EPHA6: variants seen among roughly 807,000 people sequenced by gnomAD.
EPHA6 encodes EPH receptor A6.
In EPHA6, 50 loss-of-function variants were observed where a neutral mutation model predicts 112.0. The ratio of observed to expected loss-of-function variants is 0.45; its 90% confidence interval spans 0.36 to 0.56. The LOEUF (loss-of-function observed/expected upper bound fraction) is 0.56, where lower values mean the gene tolerates loss of function less well. EPHA6 is among the 20% of genes least tolerant of loss of function. The pLI is 0.00. For missense variants in EPHA6, 1,280 were observed against 1,417.4 expected (o/e 0.90, Z 1.56); for synonymous variants, 529 against 490.7 (o/e 1.08, Z -1.03).
chr3:96,903,835 A>T (rs1185314508), intron 2 of EPHA6, among the ~76,000 whole-genome samples: 1 of 152,202 alleles, frequency 6.6e-6, no homozygotes, highest in Non-Finnish European at 1.5e-5. Flanking sequence ...ACATTTATGC[A>T]GCCAAAAGAC....
At chr3:97,147,123 T>C (rs1177976816) in intron 3 of EPHA6, among the ~76,000 whole-genome samples, 7 of 151,962 alleles carry the variant, frequency 4.6e-5, no homozygotes, top group African/African-American at 1.2e-4. Flanking sequence ...TGCCCACCTC[T>C]CCCCCAGTGA....
At chr3:97,222,922 C>T (rs1052897505) in intron 3 of EPHA6, among the ~76,000 whole-genome samples, 5 of 152,136 alleles carry the variant, frequency 3.3e-5, no homozygotes, top group Non-Finnish European at 7.3e-5. Context: ...CCTAAGAAGT[C>T]AGAATGGCCC....
intron 3 of EPHA6, among the ~76,000 whole-genome samples, chr3:97,007,128 C>A (rs926822804): frequency 6.6e-6 from 1 of 152,088 alleles, no homozygotes; most frequent in Non-Finnish European, 1.5e-5. Flanking sequence ...TCCACTTGAT[C>A]CAGAGCTGAG....
intron 11 of EPHA6, among the ~76,000 whole-genome samples, chr3:97,581,887 T>A (rs1198606016): frequency 6.6e-6 from 1 of 152,192 alleles, no homozygotes; most frequent in Non-Finnish European, 1.5e-5. Context: ...TTAGAATGAG[T>A]CAGGCCAATA....
At chr3:97,081,080 A>T (rs2046705192) in intron 3 of EPHA6, among the ~76,000 whole-genome samples, 1 of 149,348 alleles carries the variant, frequency 6.7e-6, no homozygotes, top group Non-Finnish European at 1.5e-5. Context: ...ATAATGCCAT[A>T]TTCATATATG....
At chr3:97,508,346 G>C (rs536607627) in intron 10 of EPHA6, among the ~76,000 whole-genome samples, 23 of 152,278 alleles carry the variant, frequency 1.5e-4, no homozygotes, top group African/African-American at 5.3e-4. Flanking sequence ...GTGTACTAGA[G>C]ATTCTGGTAC....
chr3:97,335,474 A>T (rs2083013592), intron 5 of EPHA6, among the ~76,000 whole-genome samples: 1 of 152,128 alleles, frequency 6.6e-6, no homozygotes, highest in Non-Finnish European at 1.5e-5. Context: ...GAATATTAAC[A>T]TATTCTCTAA....
chr3:96,847,825 T>C (rs932257902), intron 1 of EPHA6, among the ~76,000 whole-genome samples: 3 of 152,106 alleles, frequency 2.0e-5, no homozygotes, highest in Admixed American at 2.0e-4. Context: ...GGGCAAGTAA[T>C]CTAGGGGTAG....
intron 13 of EPHA6, among the ~76,000 whole-genome samples, chr3:97,633,459 C>A (rs2093920689): frequency 6.6e-6 from 1 of 151,946 alleles, no homozygotes; most frequent in Admixed American, 6.6e-5. Flanking sequence ...TAAGAAGCCC[C>A]AAAATATTAA....
At chr3:97,503,462 A>G (rs1407510719) in intron 10 of EPHA6, among the ~76,000 whole-genome samples, 2 of 152,222 alleles carry the variant, frequency 1.3e-5, no homozygotes, top group African/African-American at 4.8e-5. Flanking sequence ...TTTTCTGCTC[A>G]GTTAGGAACT....
intron 3 of EPHA6, among the ~76,000 whole-genome samples, chr3:97,023,380 T>C (rs1385418293): frequency 6.6e-6 from 1 of 152,112 alleles, no homozygotes. Flanking sequence ...CTCTCGGCCC[T>C]TTGTTTTGTC....
intron 5 of EPHA6, among the ~76,000 whole-genome samples, chr3:97,341,022 TCTC>T (rs2083277624): frequency 6.6e-6 from 1 of 152,152 alleles, no homozygotes; most frequent in Non-Finnish European, 1.5e-5. Context: ...CAATCCATCT[TCTC>T]CTCCATTAAG....
At chr3:97,736,470 AGTGTGTGTGTGTGTGTGT>A (rs376497031) in intron 16 of EPHA6, among the ~76,000 whole-genome samples, 2 of 118,812 alleles carry the variant, frequency 1.7e-5, no homozygotes, top group Non-Finnish European at 3.4e-5. Context: ...AGAGAGAGAG[AGTGTGTGTGTGTGTGTGT>A]GTGTGTGTGT....
At chr3:97,687,236 G>A (rs558894287) in intron 14 of EPHA6, among the ~76,000 whole-genome samples, 12 of 151,864 alleles carry the variant, frequency 7.9e-5, no homozygotes, top group South Asian at 2.1e-4. Flanking sequence ...TTAGTCTGCC[G>A]TAGATCCTTC....
chr3:97,201,827 C>T (rs959264508), intron 3 of EPHA6, among the ~76,000 whole-genome samples: 3 of 152,104 alleles, frequency 2.0e-5, no homozygotes, highest in African/African-American at 7.2e-5. Flanking sequence ...ACACATAGGC[C>T]TTGCATTTCC....
chr3:97,620,275 G>A (rs1209068515), intron 13 of EPHA6, among the ~76,000 whole-genome samples: 1 of 152,002 alleles, frequency 6.6e-6, no homozygotes, highest in Admixed American at 6.6e-5. Context: ...ACTCAAGAAG[G>A]ATTAAAGAGT....
chr3:97,656,446 T>A (rs1315852474), intron 14 of EPHA6, among the ~76,000 whole-genome samples: 1 of 151,832 alleles, frequency 6.6e-6, no homozygotes, highest in African/African-American at 2.4e-5. Context: ...AATCAACTTT[T>A]CCGAACCTAT....
At chr3:97,092,337 T>C (rs952661206) in intron 3 of EPHA6, among the ~76,000 whole-genome samples, 1 of 152,054 alleles carries the variant, frequency 6.6e-6, no homozygotes, top group African/African-American at 2.4e-5. Context: ...GAGACAGTTA[T>C]AGACAAAATG....
chr3:96,994,240 G>A (rs565645500), intron 3 of EPHA6: 2 of 390,546 alleles, frequency 5.1e-6, no homozygotes, highest in South Asian at 2.6e-5. Context: ...ATTATACATA[G>A]TAAGCAGTAT....
Sources: gnomAD v4.1 joint callset for allele counts (sites outside exome capture counted in the v4.1 genomes callset) on GRCh38, gnomAD v4.1.1 for gene constraint, MANE v1.5 for transcripts, NCBI Gene and HGNC (gene_info 2026-07-23, HGNC 2026-07-21) for gene names.